The following SNTG2 variants were observed in gnomAD, a reference collection of about 807,000 sequenced individuals.
The protein encoded by SNTG2 is gamma-2-syntrophin.
In SNTG2, 74 loss-of-function variants were observed where a neutral mutation model predicts 70.9. The ratio of observed to expected loss-of-function variants is 1.04; its 90% CI spans 0.86 to 1.27. The LOEUF (loss-of-function observed/expected upper bound fraction) is 1.27. Ranked by LOEUF, SNTG2 falls within the 50% of genes most tolerant of loss-of-function variation. SNTG2 has a pLI of 0.00. For synonymous variants in SNTG2, 278 were observed against 273.8 expected, an observed-to-expected ratio of 1.02 and a Z score of -0.15; for missense variants, 717 against 690.7, an observed-to-expected ratio of 1.04 and a Z score of -0.43.
At chr2:1,080,523 C>T (rs370393959) in intron 1 of SNTG2, among the ~76,000 whole-genome samples, 3 of 151,200 alleles carry the variant, frequency 2.0e-5, no homozygotes, top group Admixed American at 6.6e-5. Context: ...TCTGTGTGCC[C>T]GTGTTTGTGT....
At chr2:1,122,323 A>G (rs1187036779) in intron 4 of SNTG2, among the ~76,000 whole-genome samples, 4 of 152,152 alleles carry the variant, frequency 2.6e-5, no homozygotes, top group Admixed American at 6.5e-5. Flanking sequence ...CTACAGGCCA[A>G]TTTTTCTGAT....
At position 1,071,575 on chromosome 2, in the gene SNTG2, G is replaced by A. The variant is rs528594060; in HGVS notation, c.73-11943G>A. On this transcript the variant is annotated intron_variant, in intron 1 of 16. Coordinates refer to ENST00000308624, the MANE Select transcript of SNTG2 (RefSeq NM_018968.4). ...TAGATGACGAGTTAGTGGGTGCAGCGCACCAGCACGGCACATGTATACATA... is the reference window on the plus strand; with the variant it reads ...TAGATGACGAGTTAGTGGGTGCAGCACACCAGCACGGCACATGTATACATA... Among the ~76,000 whole-genome samples, 57 of 151,214 alleles carry A rather than the reference G, an allele frequency of 3.8e-4. No individual in the cohort carries two copies. In the East Asian group the frequency reaches 3.9e-3, roughly 10 times the overall value.
At chr2:1,226,007 G>GAAAA (rs879492996) in intron 9 of SNTG2, among the ~76,000 whole-genome samples, 6 of 137,334 alleles carry the variant, frequency 4.4e-5, no homozygotes, top group African/African-American at 1.6e-4. Context: ...CTGGAAAAAA[G>GAAAA]AAAAAAAAAA....
intron 9 of SNTG2, among the ~76,000 whole-genome samples, chr2:1,219,348 GC>G (rs34472304): frequency 0.058 from 8,819 of 152,234 alleles, 365 homozygotes; most frequent in Non-Finnish European, 0.092. Flanking sequence ...ATCCAGTCTT[GC>G]GTATTTCTCT....
intron 1 of SNTG2, among the ~76,000 whole-genome samples, chr2:967,125 C>T (rs551692583): frequency 6.6e-5 from 10 of 152,216 alleles, no homozygotes; most frequent in East Asian, 1.9e-4. Flanking sequence ...AGAAAATATG[C>T]GCCCTGTTCA....
intron 8 of SNTG2, among the ~76,000 whole-genome samples, chr2:1,179,914 G>C (rs572830687): frequency 5.0e-5 from 7 of 138,906 alleles, no homozygotes; most frequent in African/African-American, 1.8e-4. Flanking sequence ...ATAATGCCGT[G>C]TATCTACAAC....
At chr2:1,026,287 G>A (rs34147887) in intron 1 of SNTG2, among the ~76,000 whole-genome samples, 28,372 of 152,112 alleles carry the variant, frequency 0.19, 3,395 homozygotes, top group Non-Finnish European at 0.27. Flanking sequence ...CTCAATTGGC[G>A]TTCCTCTTCA....
At chr2:1,332,931 C>G (rs9973319) in intron 16 of SNTG2, among the ~76,000 whole-genome samples, 2 of 151,918 alleles carry the variant, frequency 1.3e-5, no homozygotes, top group African/African-American at 2.4e-5. Flanking sequence ...CTTCTATTCA[C>G]CATAGTACTG....
intron 1 of SNTG2, among the ~76,000 whole-genome samples, chr2:1,017,055 T>C (rs1018057677): frequency 6.6e-6 from 1 of 152,174 alleles, no homozygotes; most frequent in African/African-American, 2.4e-5. Context: ...TAGTGCTGGT[T>C]CAGCTGCTAC....
chr2:1,229,677 G>A (rs1487194029), intron 9 of SNTG2, among the ~76,000 whole-genome samples: 3 of 152,148 alleles, frequency 2.0e-5, no homozygotes, highest in East Asian at 1.9e-4. Context: ...GGCTCGGGCC[G>A]CACAGGAGCC....
intron 7 of SNTG2, among the ~76,000 whole-genome samples, chr2:1,171,355 C>T (rs1205536083): frequency 2.0e-5 from 3 of 152,158 alleles, no homozygotes; most frequent in Non-Finnish European, 4.4e-5. Flanking sequence ...TGCCATTAGT[C>T]ATGTGTCTCC....
At chr2:1,247,214 T>A in intron 11 of SNTG2, 113 bp from the exon 12 acceptor site, 1 of 627,256 alleles carries the variant, frequency 1.6e-6, no homozygotes, top group Non-Finnish European at 2.9e-6. Context: ...TCCCGTCTCC[T>A]GATTCTGGGT....
chr2:994,702 ATTTAT>A (rs1316737994), intron 1 of SNTG2, among the ~76,000 whole-genome samples: 1 of 151,856 alleles, frequency 6.6e-6, no homozygotes, highest in African/African-American at 2.4e-5. Context: ...CTGTCTTTCT[ATTTAT>A]TTAGTTCTTC....
At chr2:1,290,559 C>A (rs1020877373) in intron 14 of SNTG2, among the ~76,000 whole-genome samples, 1 of 152,156 alleles carries the variant, frequency 6.6e-6, no homozygotes, top group Admixed American at 6.5e-5. Flanking sequence ...AGCAATCCAC[C>A]CACCTTGGCC....
At chr2:1,056,024 C>T (rs1662371501) in intron 1 of SNTG2, among the ~76,000 whole-genome samples, 1 of 151,892 alleles carries the variant, frequency 6.6e-6, no homozygotes, top group Non-Finnish European at 1.5e-5. Flanking sequence ...CAGACGGCTC[C>T]TTGTCCCCAC....
At chr2:1,063,182 T>C (rs2148118117) in intron 1 of SNTG2, among the ~76,000 whole-genome samples, 1 of 152,332 alleles carries the variant, frequency 6.6e-6, no homozygotes, top group South Asian at 2.1e-4. Context: ...AAGCATACTT[T>C]TTTTTAAAAT....
chr2:1,149,552 T>C (rs1669327399), intron 6 of SNTG2, among the ~76,000 whole-genome samples: 1 of 152,172 alleles, frequency 6.6e-6, no homozygotes, highest in South Asian at 2.1e-4. Context: ...TAATGTGCTT[T>C]TCCCTGCAAG....
chr2:1,145,160 CA>C (rs1230315290), intron 6 of SNTG2, among the ~76,000 whole-genome samples: 1 of 151,456 alleles, frequency 6.6e-6, no homozygotes, highest in Non-Finnish European at 1.5e-5. Flanking sequence ...TTTATTTCCC[CA>C]AAGCTCTAAG....
At chr2:1,310,193 T>G (rs2148251040) in intron 15 of SNTG2, among the ~76,000 whole-genome samples, 1 of 152,280 alleles carries the variant, frequency 6.6e-6, no homozygotes, top group African/African-American at 2.4e-5. Context: ...GCCCCTGGGG[T>G]CCTGTGTGTC....
Sources: allele counts gnomAD v4.1 joint callset (sites outside exome capture counted in the v4.1 genomes callset), GRCh38; gene constraint gnomAD v4.1.1; transcripts MANE v1.5; gene names NCBI Gene and HGNC (gene_info 2026-07-23, HGNC 2026-07-21).